Variants in SMARCA2 observed in about 807,000 individuals in gnomAD.
SMARCA2 encodes SWI/SNF-related matrix-associated actin-dependent regulator of chromatin subfamily A member 2.
A neutral mutation model predicts 199.8 loss-of-function variants in SMARCA2; 61 were observed. The observed-to-expected ratio is 0.31, with a 90% confidence interval of 0.25 to 0.38. The LOEUF is 0.38. SMARCA2 is among the 10% of genes least tolerant of loss of function. The pLI, the probability that SMARCA2 is intolerant of heterozygous loss-of-function variation, is 1.00. For missense variants in SMARCA2, 1,344 were observed against 2,012.2 expected, an observed-to-expected ratio of 0.67 and a Z score of 6.35; for synonymous variants, 935 against 732.0, an observed-to-expected ratio of 1.28 and a Z score of -4.48.
In SMARCA2 at chr9:2,081,903, G is replaced by T. The variant is rs1821581228; in HGVS notation, c.2256G>T (p.Gly752=). ...ACGGAATCTTAGCCGATGAAATGGG[G>T]CTTGGAAAGACCATACAGACCATTG... The part of the protein sequence containing the change: ...NLNGILADEM[G]LGKTIQTIAL... The change falls in exon 15 of 34, where the codon GGG becomes GGT. Residue 752 remains glycine (G), a synonymous_variant. Coordinates refer to ENST00000349721, the MANE Select transcript of SMARCA2 (RefSeq NM_003070.5). 2 of 1,613,882 alleles carry T rather than the reference G, an allele frequency of 1.2e-6. No individual in the cohort carries two copies. The highest frequency in any genetic ancestry group is 1.3e-5 in the African/African-American group (1 of 74,910).
intron 27 of SMARCA2, among the ~76,000 whole-genome samples, chr9:2,141,739 C>G (rs1013554369): frequency 6.6e-6 from 1 of 152,034 alleles, no homozygotes; most frequent in African/African-American, 2.4e-5. Flanking sequence ...CTATGCAAGT[C>G]TGTGCATAGA....
chr9:2,178,008 G>T (rs1300782499), intron 29 of SMARCA2, among the ~76,000 whole-genome samples: 1 of 149,974 alleles, frequency 6.7e-6, no homozygotes, highest in Non-Finnish European at 1.5e-5. Context: ...TTGGTTTGTG[G>T]AGGTAATGAG....
Position 2,142,918 on chromosome 9 carries a change from A to G in SMARCA2, c.3982-18768A>G, listed in dbSNP as rs188721561. On this transcript the variant is annotated intron_variant, in intron 27 of 33. Coordinates refer to ENST00000349721, the MANE Select transcript of SMARCA2 (RefSeq NM_003070.5). The stretch of plus-strand genomic sequence containing the variant: ...TATCTCACCAACATTTTTGGGTCCC[A>G]TTGGTGAGTAAGGCATCAATTTAAG... Among the ~76,000 whole-genome samples, 199 of 152,280 alleles carry G rather than the reference A, an allele frequency of 1.3e-3. 1 individual carries two copies. Among genetic ancestry groups the G allele is most frequent in the Admixed American group, 3.5e-3 (53 of 15,294 alleles).
rs181833631 is a variant in SMARCA2, at chr9:2,186,236, C to G, written c.4594+8C>G. On this transcript the variant is annotated splice_region_variant and intron_variant, in intron 32 of 33. Coordinates refer to ENST00000349721, the MANE Select transcript of SMARCA2 (RefSeq NM_003070.5). ...AAGAGTCAGAGTCCGAGGGTAAGCC[C>G]AGACATTCGGGTCCTGTACATCTTT... 4.3e-6 allele frequency: 7 copies of G among 1,611,964 alleles called. No individual in the cohort carries two copies. In the East Asian group the frequency reaches 1.6e-4, roughly 36 times the overall value.
intron 27 of SMARCA2, among the ~76,000 whole-genome samples, chr9:2,150,636 G>C (rs1456128851): frequency 6.6e-6 from 1 of 151,508 alleles, no homozygotes; most frequent in African/African-American, 2.4e-5. Flanking sequence ...TCCCATCACT[G>C]GATATAGTTA....
rs940011308 is a variant in SMARCA2, at chr9:2,115,020, A to T, written c.3457-802A>T. Among the ~76,000 whole-genome samples, 1 of 152,094 alleles carries T rather than the reference A, an allele frequency of 6.6e-6. No individual in the cohort carries two copies. The highest frequency in any genetic ancestry group is 2.4e-5 in the African/African-American group (1 of 41,398). On this transcript the variant is annotated intron_variant, in intron 24 of 33. Coordinates refer to ENST00000349721, the MANE Select transcript of SMARCA2 (RefSeq NM_003070.5). The surrounding 1 kb of genome is among the most constrained non-coding windows in gnomAD (Gnocchi z 6.0). Reference sequence around the variant, plus strand: ...TAGGATACTATAATTCATTTAACTAATTCAGTATTGTTGAATGTTTCTTTT... The same window carrying T: ...TAGGATACTATAATTCATTTAACTATTTCAGTATTGTTGAATGTTTCTTTT...
At chr9:2,105,272 G>A in intron 23 of SMARCA2, among the ~76,000 whole-genome samples, 1 of 151,522 alleles carries the variant, frequency 6.6e-6, no homozygotes, top group East Asian at 1.9e-4. Context: ...TTGAGACAGA[G>A]TCTCACTCTG....
chr9:2,041,224 T>G (rs1819590667), intron 4 of SMARCA2: 2 of 397,612 alleles, frequency 5.0e-6, no homozygotes, highest in African/African-American at 2.1e-5. Flanking sequence ...TATCCTCATC[T>G]TATTAATTGT....
At chr9:2,177,188 A>G (rs960077657) in intron 29 of SMARCA2, among the ~76,000 whole-genome samples, 3 of 152,190 alleles carry the variant, frequency 2.0e-5, no homozygotes, top group South Asian at 4.1e-4. Flanking sequence ...CACTTCACCT[A>G]CTGCCCTGCA....
chr9:2,106,242 T>C (rs960575247), intron 23 of SMARCA2, among the ~76,000 whole-genome samples: 4 of 152,234 alleles, frequency 2.6e-5, no homozygotes, highest in Admixed American at 2.6e-4. Flanking sequence ...TAGCTGAGTT[T>C]TAGCAGATCC....
intron 27 of SMARCA2, chr9:2,159,652 T>TA: frequency 1.3e-6 from 1 of 799,460 alleles, no homozygotes; most frequent in Non-Finnish European, 1.9e-6. Flanking sequence ...TTGTCAATAT[T>TA]AAAACAGGCT....
intron 27 of SMARCA2, among the ~76,000 whole-genome samples, chr9:2,138,159 C>T (rs1356477810): frequency 2.1e-5 from 3 of 145,132 alleles, no homozygotes; most frequent in Non-Finnish European, 4.4e-5. Context: ...CTTCTAATTT[C>T]TTCAGCAAAA....
intron 13 of SMARCA2, among the ~76,000 whole-genome samples, chr9:2,076,751 A>C (rs1464450102): frequency 6.6e-6 from 1 of 151,854 alleles, no homozygotes; most frequent in Non-Finnish European, 1.5e-5. Flanking sequence ...GAGAGACACC[A>C]TTCCTGTCTT....
Position 2,058,342 on chromosome 9 carries a change from C to T in SMARCA2, c.1399C>T (p.Arg467Trp), listed in dbSNP as rs1820445166. ...QHAKDFKEYHRSVAGKIQKLS... is the reference protein window; with the variant it reads ...QHAKDFKEYHWSVAGKIQKLS... The stretch of plus-strand genomic sequence containing the variant: ...TGCAAAAGATTTTAAGGAATATCAT[C>T]GGTCTGTGGCCGGAAAGATCCAGAA... Residue 467 changes from arginine (R) to tryptophan (W), a missense_variant, in exon 8 of 34, where the codon CGG becomes TGG. Physicochemically the swap from Arg to Trp is moderately radical, Grantham distance 101. Transcript: ENST00000349721. 6.2e-7 allele frequency: 1 copy of T among 1,614,116 alleles called. No individual in the cohort carries two copies. Among genetic ancestry groups the T allele is most frequent in the Non-Finnish European group, 8.5e-7 (1 of 1,179,958 alleles).
rs1242011070 is a variant in SMARCA2, at chr9:2,039,609, C to CCAG, written c.500_501insAGC (p.Pro167_Asn168insAla). On this transcript the variant is annotated inframe_insertion, in exon 4 of 34. Transcript: ENST00000349721. The surrounding 1 kb of genome is among the most constrained non-coding windows in gnomAD (Gnocchi z 4.8). ...AGGTGATCCGCAGGCCATGAGCCAGCCCAACAGAGGTCCCTCACCTTTCAG... is the reference window on the plus strand; with the variant it reads ...AGGTGATCCGCAGGCCATGAGCCAGCCAGCCAACAGAGGTCCCTCACCTTTCAG... 1 of 1,614,202 alleles carries CCAG rather than the reference C, an allele frequency of 6.2e-7. No homozygotes were observed.
chr9:2,124,169 C>T (rs1030648842), intron 27 of SMARCA2, among the ~76,000 whole-genome samples: 1 of 152,186 alleles, frequency 6.6e-6, no homozygotes, highest in Non-Finnish European at 1.5e-5. Context: ...AAAAAATATG[C>T]AGGATTTTTT....
At chr9:2,021,521 A>G (rs1245411307) in intron 1 of SMARCA2, among the ~76,000 whole-genome samples, 1 of 152,160 alleles carries the variant, frequency 6.6e-6, no homozygotes, top group African/African-American at 2.4e-5. Flanking sequence ...TCCCACTGGG[A>G]GATGCTTTAT....
rs761757654 is a variant in SMARCA2, at chr9:2,170,517, C to G, written c.4253+45C>G. On this transcript the variant is annotated intron_variant, in intron 29 of 33. Transcript: ENST00000349721. This position sits in a 1 kb window ranked among gnomAD's most constrained non-coding sequence, Gnocchi z 4.7. ...TCCCCTATCTCTAAATACAGGTATC[C>G]CTCGTTACGTGAAACAGATTGAATC... 16 of 1,613,176 alleles carry G rather than the reference C, an allele frequency of 9.9e-6. No individual in the cohort carries two copies. Among genetic ancestry groups the G allele is most frequent in the African/African-American group, 1.3e-5 (1 of 74,984 alleles).
At chr9:2,124,430 C>T (rs764637258) in intron 27 of SMARCA2, among the ~76,000 whole-genome samples, 11 of 152,178 alleles carry the variant, frequency 7.2e-5, no homozygotes, top group Non-Finnish European at 1.5e-4. Context: ...ATTTTGTAGA[C>T]CCATAGTACT....
Sources: allele counts gnomAD v4.1 joint callset (sites outside exome capture counted in the v4.1 genomes callset), GRCh38; gene constraint gnomAD v4.1.1; non-coding constraint Gnocchi (gnomAD v3.1); transcripts MANE v1.5; gene names NCBI Gene and HGNC (gene_info 2026-07-23, HGNC 2026-07-21).